ZDHHC14: variants seen among roughly 807,000 people sequenced by gnomAD.
ZDHHC14 encodes the protein zDHHC palmitoyltransferase 14.
A neutral mutation model predicts 47.7 loss-of-function variants in ZDHHC14; 16 were observed. That is an observed-to-expected ratio of 0.34 (90% CI 0.23 to 0.51). The LOEUF is 0.51. Among genes scored for constraint, ZDHHC14 ranks in the 20% least tolerant of loss-of-function variants. The pLI, the probability that ZDHHC14 is intolerant of heterozygous loss-of-function variation, is 0.97. For missense variants in ZDHHC14, 515 were observed against 662.5 expected, an observed-to-expected ratio of 0.78 and a Z score of 2.44; for synonymous variants, 293 against 278.9, an observed-to-expected ratio of 1.05 and a Z score of -0.50.
chr6:157,539,515 C>A (rs1388556679), intron 1 of ZDHHC14, among the ~76,000 whole-genome samples: 1 of 152,116 alleles, frequency 6.6e-6, no homozygotes, highest in Non-Finnish European at 1.5e-5. Context: ...GGCAAAACAG[C>A]GTGGAAGGAA....
At chr6:157,403,043 T>C (rs1477200866) in intron 1 of ZDHHC14, among the ~76,000 whole-genome samples, 1 of 152,144 alleles carries the variant, frequency 6.6e-6, no homozygotes, top group Non-Finnish European at 1.5e-5. Flanking sequence ...CCTGGCGATA[T>C]ACCTTCTGTT....
chr6:157,660,765 C>A (rs1480863236), intron 8 of ZDHHC14, among the ~76,000 whole-genome samples: 2 of 152,200 alleles, frequency 1.3e-5, no homozygotes, highest in Non-Finnish European at 2.9e-5. Flanking sequence ...ATCGACACAG[C>A]CTTCAAACTC....
rs1020971903 is a variant in ZDHHC14 at position 157,502,366 on chromosome 6, G to T, written c.246-40219G>T. Among the ~76,000 whole-genome samples, 1 of 152,220 alleles carries T rather than the reference G, an allele frequency of 6.6e-6. No individual in the cohort carries two copies. Among genetic ancestry groups the T allele is most frequent in the Non-Finnish European group, 1.5e-5 (1 of 68,042 alleles). ...ATGTTGAGAGAGAGTGGATGACAGAGCAGTCAGGCAGTAGCTGTGGGAGCA... is the reference window on the plus strand; with the variant it reads ...ATGTTGAGAGAGAGTGGATGACAGATCAGTCAGGCAGTAGCTGTGGGAGCA... On this transcript the variant is annotated intron_variant, in intron 1 of 8. Coordinates refer to ENST00000359775, the MANE Select transcript of ZDHHC14 (RefSeq NM_024630.3). The surrounding 1 kb of genome is among the most constrained non-coding windows in gnomAD (Gnocchi z 4.0).
intron 1 of ZDHHC14, among the ~76,000 whole-genome samples, chr6:157,476,448 T>G (rs1779485513): frequency 6.6e-6 from 1 of 152,196 alleles, no homozygotes; most frequent in African/African-American, 2.4e-5. Context: ...CGGAACTTGA[T>G]AGCTTCACTG....
intron 1 of ZDHHC14, among the ~76,000 whole-genome samples, chr6:157,492,053 G>A (rs1177433844): frequency 2.0e-5 from 3 of 152,192 alleles, no homozygotes; most frequent in African/African-American, 2.4e-5. Context: ...AGCACCAGTT[G>A]CCGGTGTTGG....
At chr6:157,670,412 G>T (rs1487701953) in intron 8 of ZDHHC14, among the ~76,000 whole-genome samples, 2 of 152,190 alleles carry the variant, frequency 1.3e-5, no homozygotes, top group African/African-American at 4.8e-5. Flanking sequence ...TCCTACCTCA[G>T]CCTCCTGAGA....
intron 2 of ZDHHC14, among the ~76,000 whole-genome samples, chr6:157,551,315 T>A (rs1405294562): frequency 6.6e-6 from 1 of 152,100 alleles, no homozygotes; most frequent in Non-Finnish European, 1.5e-5. Context: ...CCTGGACAAC[T>A]CCTTTGGTTT....
At position 157,516,505 on chromosome 6, in the gene ZDHHC14, G is replaced by T. The variant is rs192447251; in HGVS notation, c.246-26080G>T. 2.8e-3 allele frequency among the ~76,000 whole-genome samples: 429 copies of T among 152,282 alleles called. 1 individual carries two copies. The highest frequency in any genetic ancestry group is 4.0e-3 in the Non-Finnish European group (273 of 68,024). ...CTGGCCAGTCTTTCCCTGTCAGAGT[G>T]TAAATCTATGAAAGTGTCTCCTGCA... On this transcript the variant is annotated intron_variant, in intron 1 of 8. Coordinates refer to ENST00000359775, the MANE Select transcript of ZDHHC14 (RefSeq NM_024630.3).
At chr6:157,405,385 A>G (rs1777732209) in intron 1 of ZDHHC14, among the ~76,000 whole-genome samples, 1 of 152,108 alleles carries the variant, frequency 6.6e-6, no homozygotes, top group South Asian at 2.1e-4. Context: ...GGCACCCGCC[A>G]CCACGCCTGG....
intron 3 of ZDHHC14, among the ~76,000 whole-genome samples, chr6:157,602,494 A>AT (rs1475703536): frequency 7.5e-6 from 1 of 132,976 alleles, no homozygotes; most frequent in Non-Finnish European, 1.6e-5. Flanking sequence ...CGTTTCAAAA[A>AT]AAAAAAAAAA....
intron 1 of ZDHHC14, among the ~76,000 whole-genome samples, chr6:157,422,181 T>C (rs1002493699): frequency 6.6e-5 from 10 of 152,166 alleles, no homozygotes; most frequent in African/African-American, 2.4e-4. Flanking sequence ...CTGGATAGTC[T>C]TAGGTTAGCT....
chr6:157,672,623 C>CTGG, intron 8 of ZDHHC14, 101 bp from the exon 9 acceptor site: 1 of 312,592 alleles, frequency 3.2e-6, no homozygotes. Context: ...TCTCTTCTCG[C>CTGG]ACCCCACCCT....
chr6:157,593,229 A>T, intron 3 of ZDHHC14, 83 bp downstream of exon 3: 1 of 1,469,078 alleles, frequency 6.8e-7, no homozygotes, highest in Non-Finnish European at 9.2e-7. Context: ...GCCACGGAAC[A>T]CTCAGTAATG....
intron 1 of ZDHHC14, among the ~76,000 whole-genome samples, chr6:157,453,622 GT>G (rs1418344198): frequency 6.6e-6 from 1 of 152,124 alleles, no homozygotes; most frequent in Non-Finnish European, 1.5e-5. Flanking sequence ...CTTGACTTCA[GT>G]GTCATTCATT....
At chr6:157,517,761 C>T (rs1301087291) in intron 1 of ZDHHC14, among the ~76,000 whole-genome samples, 1 of 152,364 alleles carries the variant, frequency 6.6e-6, no homozygotes, top group Non-Finnish European at 1.5e-5. Context: ...CTCGCCCTCA[C>T]GGCCGCCTAC....
chr6:157,500,054 G>A (rs750460859), intron 1 of ZDHHC14, among the ~76,000 whole-genome samples: 13 of 152,194 alleles, frequency 8.5e-5, no homozygotes, highest in Non-Finnish European at 1.9e-4. Flanking sequence ...ATTAAGAAGG[G>A]TGAAGCAGTA....
intron 2 of ZDHHC14, among the ~76,000 whole-genome samples, chr6:157,546,978 C>G (rs1165046588): frequency 6.6e-6 from 1 of 152,212 alleles, no homozygotes; most frequent in Non-Finnish European, 1.5e-5. Context: ...GCGCCTCTTC[C>G]AAGCCACAGT....
chr6:157,581,433 A>G (rs1315847474), intron 2 of ZDHHC14, among the ~76,000 whole-genome samples: 3 of 151,998 alleles, frequency 2.0e-5, no homozygotes, highest in Admixed American at 6.6e-5. Flanking sequence ...TGTTTGTGCT[A>G]GGTCCATTTG....
intron 5 of ZDHHC14, among the ~76,000 whole-genome samples, chr6:157,638,787 C>T (rs1329025420): frequency 6.6e-6 from 1 of 152,252 alleles, no homozygotes; most frequent in African/African-American, 2.4e-5. Flanking sequence ...ATGAAAAAGA[C>T]ACAGCCTGTG....
Sources: gnomAD v4.1 joint callset for allele counts (sites outside exome capture counted in the v4.1 genomes callset) on GRCh38, gnomAD v4.1.1 for gene constraint, Gnocchi (gnomAD v3.1) non-coding constraint, MANE v1.5 for transcripts, NCBI Gene and HGNC (gene_info 2026-07-23, HGNC 2026-07-21) for gene names.